The following IL34 variants were observed in gnomAD, a reference collection of about 807,000 sequenced individuals.
IL34 encodes interleukin 34.
In IL34, 17 loss-of-function variants were observed where a neutral mutation model predicts 25.3. That is an observed-to-expected ratio of 0.67 (90% CI 0.46 to 1.01). IL34 has a LOEUF of 1.01. Among genes scored for constraint, IL34 ranks in the 50% least tolerant of loss-of-function variants. The probability of loss-of-function intolerance (pLI) is 0.00; values close to 1 mark genes in which losing one functional copy is unlikely to be tolerated. For missense variants in IL34, 368 were observed against 312.9 expected, an observed-to-expected ratio of 1.18 and a Z score of -1.33; for synonymous variants, 174 against 140.9, an observed-to-expected ratio of 1.23 and a Z score of -1.66.
chr16:70,648,892 G>C (rs551864164), intron 1 of IL34, among the ~76,000 whole-genome samples: 2 of 152,174 alleles, frequency 1.3e-5, no homozygotes, highest in South Asian at 4.1e-4. Context: ...GCCTCTTCCA[G>C]CTCCTGGTGG....
chr16:70,650,472 C>G lies in IL34; in HGVS notation c.28+3497C>G, dbSNP rs372362009. On this transcript the variant is annotated intron_variant, in intron 1 of 5. Coordinates refer to ENST00000288098, the MANE Select transcript of IL34 (RefSeq NM_001393494.1). Reference sequence around the variant, plus strand: ...GTCCCTGCCTTGAGGCCACAGCTGCCGGGTCCCCAGGGCCCCAGAACGGGA... The same window carrying G: ...GTCCCTGCCTTGAGGCCACAGCTGCGGGGTCCCCAGGGCCCCAGAACGGGA... Among the ~76,000 whole-genome samples the G allele has an allele frequency of 9.5e-4, 145 of 152,134 alleles. 2 individuals are homozygous for G. Among genetic ancestry groups the G allele is most frequent in the African/African-American group, 3.2e-3 (132 of 41,510 alleles).
intron 1 of IL34, among the ~76,000 whole-genome samples, chr16:70,637,560 T>A (rs1280723792): frequency 6.7e-6 from 1 of 150,324 alleles, no homozygotes; most frequent in Non-Finnish European, 1.5e-5. Flanking sequence ...GCCAGGCAGG[T>A]CTCAAACTCC....
At position 70,628,380 on chromosome 16, in the gene IL34, A is replaced by AT. The variant is rs538704759; in HGVS notation, c.-400-18165dup. Among the ~76,000 whole-genome samples, 492 of 151,424 alleles carry AT rather than the reference A, an allele frequency of 3.2e-3. 2 individuals carry two copies. Among genetic ancestry groups the AT allele is most frequent in the Non-Finnish European group, 5.5e-3 (372 of 67,748 alleles). ...CAGTTTTTTAGTATATATCTTGCACATTTCTTGATAAGTTTATTTCTAGGT... is the reference window on the plus strand; with the variant it reads ...CAGTTTTTTAGTATATATCTTGCACATTTTCTTGATAAGTTTATTTCTAGGT... On this transcript the variant is annotated intron_variant, in intron 1 of 6. Transcript: ENST00000429149.
At chr16:70,628,582 G>A (rs1382316174) in intron 1 of IL34, among the ~76,000 whole-genome samples, 1 of 151,554 alleles carries the variant, frequency 6.6e-6, no homozygotes, top group Non-Finnish European at 1.5e-5. Flanking sequence ...CGGCTCGCGG[G>A]TTCAAGCGAT....
chr16:70,581,245 A>G (rs1307503180), intron 1 of IL34, among the ~76,000 whole-genome samples: 6 of 152,088 alleles, frequency 3.9e-5, no homozygotes, highest in Non-Finnish European at 8.8e-5. Flanking sequence ...CACATAAACC[A>G]ACTAACTAGA....
Position 70,660,112 on chromosome 16 carries a change from G to T in IL34, c.654G>T (p.Trp218Cys), listed in dbSNP as rs755937255. ...AATQLYPPPP[W>C]SPSSPPHSTG... ...CCCAGCTGTACCCTCCGCCCCCGTG[G>T]TCCCCCAGCTCCCCGCCTCACTCCA... The change falls in exon 6 of 6, where the codon TGG (tryptophan) becomes TGT (cysteine). Residue 218 changes from tryptophan (W) to cysteine (C), a missense_variant. Coordinates refer to ENST00000288098, the MANE Select transcript of IL34 (RefSeq NM_001393494.1). 17 of 1,613,256 alleles carry T rather than the reference G, an allele frequency of 1.1e-5. No homozygotes were observed. Among genetic ancestry groups the T allele is most frequent in the Non-Finnish European group, 1.4e-5 (17 of 1,179,770 alleles).
intron 2 of IL34, among the ~76,000 whole-genome samples, chr16:70,655,752 A>G (rs117868811): frequency 0.028 from 4,221 of 152,110 alleles, 334 homozygotes; most frequent in East Asian, 0.21. Context: ...TCTGTTGTCC[A>G]GGCTGAAGTG....
chr16:70,587,528 C>T (rs2050708962), intron 1 of IL34, among the ~76,000 whole-genome samples: 1 of 151,974 alleles, frequency 6.6e-6, no homozygotes, highest in Non-Finnish European at 1.5e-5. Flanking sequence ...GCCTCGGCGT[C>T]CCAAAGGGCT....
rs376056831 is a variant in IL34, at chr16:70,657,127, T to A, written c.402+6T>A. 3 of 1,610,742 alleles carry A rather than the reference T, an allele frequency of 1.9e-6. No individual in the cohort carries two copies. The highest frequency in any genetic ancestry group is 1.7e-6 in the Non-Finnish European group (2 of 1,179,090). On this transcript the variant is annotated splice_donor_region_variant and intron_variant, in intron 4 of 5. Coordinates refer to ENST00000288098, the MANE Select transcript of IL34 (RefSeq NM_001393494.1). ...ATGTCCAGCAGGGCCTCACGGTGAG[T>A]TGTGTGGAGGAGTGGCAGGTGGGGT...
At chr16:70,632,483 C>T (rs2051542315) in intron 1 of IL34, among the ~76,000 whole-genome samples, 1 of 152,126 alleles carries the variant, frequency 6.6e-6, no homozygotes, top group Admixed American at 6.6e-5. Flanking sequence ...TTTTGGGGAA[C>T]ACATCTGTGA....
chr16:70,635,917 A>T (rs2151856203), intron 1 of IL34, among the ~76,000 whole-genome samples: 2 of 152,264 alleles, frequency 1.3e-5, no homozygotes, highest in South Asian at 2.1e-4. Context: ...AGAATCTCAT[A>T]TCAAGCCCAT....
At chr16:70,658,831 A>C (rs919280000) in intron 4 of IL34, among the ~76,000 whole-genome samples, 1 of 152,164 alleles carries the variant, frequency 6.6e-6, no homozygotes, top group African/African-American at 2.4e-5. Context: ...TCTTACAAGG[A>C]CATCAGGCAT....
chr16:70,645,433 A>T (rs1216432103), upstream of IL34, among the ~76,000 whole-genome samples: 1 of 152,056 alleles, frequency 6.6e-6, no homozygotes, highest in Non-Finnish European at 1.5e-5. Flanking sequence ...CCCCCACCAG[A>T]GGGGAGACAG....
chr16:70,594,189 T>C (rs1221632175), intron 1 of IL34, among the ~76,000 whole-genome samples: 3 of 151,912 alleles, frequency 2.0e-5, no homozygotes. Context: ...TGTGTTGCAT[T>C]GAATCTACAA....
At chr16:70,659,848 A>T (rs1443824518) in intron 5 of IL34, 95 bp downstream of exon 5, 1 of 1,505,732 alleles carries the variant, frequency 6.6e-7, no homozygotes, top group Non-Finnish European at 9.0e-7. Flanking sequence ...TCCCGGGCAT[A>T]TCCTCTGCTC....
chr16:70,659,340 C>T (rs1198514804), intron 4 of IL34, among the ~76,000 whole-genome samples: 2 of 152,198 alleles, frequency 1.3e-5, no homozygotes, highest in African/African-American at 4.8e-5. Flanking sequence ...TGCAGTTTGC[C>T]CCACTTTCCT....
rs144459115 is a variant in IL34 at position 70,620,893 on chromosome 16, A to G, written c.-400-25655A>G. Among the ~76,000 whole-genome samples the G allele has an allele frequency of 8.3e-3, 1,270 of 152,176 alleles. 136 individuals are homozygous for G. In the East Asian group the frequency reaches 0.21, roughly 25 times the overall value. On this transcript the variant is annotated intron_variant, in intron 1 of 6. Transcript: ENST00000429149. ...TTGAGAACACAGGCTAAGGGAGAAG[A>G]AGGAGGAATGGAATGTGGAATCTTA... is the stretch of plus-strand genomic sequence containing the variant.
At chr16:70,600,497 G>T (rs1478470177) in intron 1 of IL34, among the ~76,000 whole-genome samples, 2 of 152,186 alleles carry the variant, frequency 1.3e-5, no homozygotes, top group Non-Finnish European at 2.9e-5. Flanking sequence ...TATTCTGTAA[G>T]CCCCAAGCAA....
intron 1 of IL34, among the ~76,000 whole-genome samples, chr16:70,592,264 A>G (rs2050765071): frequency 6.6e-6 from 1 of 151,980 alleles, no homozygotes; most frequent in African/African-American, 2.4e-5. Flanking sequence ...CAGGCAGGAA[A>G]CCTTTGTTGG....
Sources: allele counts gnomAD v4.1 joint callset (sites outside exome capture counted in the v4.1 genomes callset), GRCh38; gene constraint gnomAD v4.1.1; transcripts MANE v1.5; gene names NCBI Gene and HGNC (gene_info 2026-07-23, HGNC 2026-07-21).